The following NFIB variants were observed in gnomAD, a reference collection of about 807,000 sequenced individuals.
NFIB encodes the protein nuclear factor I B.
Under a neutral mutation model 61.5 loss-of-function variants are expected in NFIB, and 11 were observed. That is an observed-to-expected ratio of 0.18 (90% CI 0.11 to 0.30). The LOEUF (loss-of-function observed/expected upper bound fraction) is 0.30. Among genes scored for constraint, NFIB ranks in the 10% least tolerant of loss-of-function variants. The probability of loss-of-function intolerance (pLI) is 1.00; values close to 1 mark genes in which losing one functional copy is unlikely to be tolerated. For synonymous variants in NFIB, 260 were observed against 216.5 expected (o/e 1.20, Z -1.76); for missense variants, 471 against 608.9 (o/e 0.77, Z 2.38).
chr9:14,195,158 AAAG>A (rs1368146244), intron 2 of NFIB, among the ~76,000 whole-genome samples: 1 of 152,116 alleles, frequency 6.6e-6, no homozygotes, highest in African/African-American at 2.4e-5. Context: ...TCAACTGGCA[AAAG>A]AAGTTAAAAA....
intron 6 of NFIB, among the ~76,000 whole-genome samples, chr9:14,135,414 G>GC (rs2040930996): frequency 6.6e-6 from 1 of 152,086 alleles, no homozygotes; most frequent in Non-Finnish European, 1.5e-5. Context: ...AATTTAGTTG[G>GC]CTACAGGCAA....
At chr9:14,175,942 C>T (rs568955909) in intron 3 of NFIB, among the ~76,000 whole-genome samples, 132 of 152,220 alleles carry the variant, frequency 8.7e-4, no homozygotes, top group Non-Finnish European at 1.6e-3. Context: ...TTCTAGATTG[C>T]TATGTTTTCC....
At chr9:14,107,802 C>A (rs779198868) in intron 10 of NFIB, among the ~76,000 whole-genome samples, 2 of 152,208 alleles carry the variant, frequency 1.3e-5, no homozygotes, top group Middle Eastern at 3.4e-3. Context: ...GTAAATAAAA[C>A]CTTCAGAATT....
In NFIB at chr9:14,082,785, G is replaced by C. The variant is rs373801240; in HGVS notation, c.*5524C>G. ...CCATACTTCTTAAAAAAAAAAAAAA[G>C]AAAAAAAAAGACTTCCTTCTGCATA... On this transcript the variant is annotated 3_prime_UTR_variant, in exon 11 of 11. Coordinates refer to ENST00000380953, the MANE Select transcript of NFIB (RefSeq NM_001190737.2). The C allele has an allele frequency of 6.0e-6, 1 of 165,500 alleles. No homozygotes were observed. The highest frequency in any genetic ancestry group is 9.4e-5 in the East Asian group (1 of 10,614). 10.3% of individuals were successfully genotyped at this position (165,500 alleles called of 1,614,324 possible).
chr9:14,292,702 G>C (rs567987550), intron 2 of NFIB, among the ~76,000 whole-genome samples: 24 of 152,318 alleles, frequency 1.6e-4, no homozygotes, highest in African/African-American at 5.8e-4. Context: ...TCAGCAAGCT[G>C]CTTCAATCAC....
At chr9:14,488,124 T>G in the NFIB span, among the ~76,000 whole-genome samples, 1 of 152,066 alleles carries the variant, frequency 6.6e-6, no homozygotes, top group African/African-American at 2.4e-5. Context: ...GTGTCTGTAA[T>G]CCCCGCACTT....
the NFIB span, among the ~76,000 whole-genome samples, chr9:14,488,673 C>T: frequency 9.2e-5 from 14 of 152,250 alleles, no homozygotes; most frequent in African/African-American, 2.2e-4. Flanking sequence ...TCATAGGCTA[C>T]GCAGCCTCAA....
chr9:14,255,206 A>C (rs1209315275), intron 2 of NFIB, among the ~76,000 whole-genome samples: 2 of 152,172 alleles, frequency 1.3e-5, no homozygotes, highest in African/African-American at 4.8e-5. Flanking sequence ...AAGGATGACA[A>C]AGTGAAACCC....
chr9:14,504,243 T>C, the NFIB span, among the ~76,000 whole-genome samples: 1 of 152,218 alleles, frequency 6.6e-6, no homozygotes, highest in Non-Finnish European at 1.5e-5. Context: ...TATAGTATAG[T>C]TTGAAGTCAG....
the NFIB span, among the ~76,000 whole-genome samples, chr9:14,477,171 A>C: frequency 1.4e-4 from 22 of 152,228 alleles, no homozygotes; most frequent in African/African-American, 5.3e-4. Context: ...GGCAGTGTGT[A>C]GGGGATAGCA....
chr9:14,460,040 A>C, the NFIB span, among the ~76,000 whole-genome samples: 1 of 152,210 alleles, frequency 6.6e-6, no homozygotes, highest in African/African-American at 2.4e-5. Context: ...AGGAGTATAA[A>C]TCATGCTGCT....
the NFIB span, among the ~76,000 whole-genome samples, chr9:14,524,727 A>G: frequency 1.3e-5 from 2 of 152,228 alleles, no homozygotes; most frequent in Non-Finnish European, 2.9e-5. Context: ...CAGAATTTGC[A>G]GATAGCATCA....
intron 1 of NFIB, among the ~76,000 whole-genome samples, chr9:14,393,169 T>G (rs1309437403): frequency 8.8e-6 from 1 of 113,080 alleles, no homozygotes; most frequent in African/African-American, 3.4e-5. Context: ...CTAATAACTT[T>G]CTTCCAATCG....
the NFIB span, among the ~76,000 whole-genome samples, chr9:14,469,448 G>C: frequency 6.6e-6 from 1 of 152,110 alleles, no homozygotes; most frequent in African/African-American, 2.4e-5. Flanking sequence ...TATGACTTAG[G>C]TATCAAATCA....
At chr9:14,430,574 C>CTATTTATT in the NFIB span, among the ~76,000 whole-genome samples, 1 of 150,758 alleles carries the variant, frequency 6.6e-6, no homozygotes. Flanking sequence ...CCCTGAAATG[C>CTATTTATT]TATTTATTTA....
the NFIB span, among the ~76,000 whole-genome samples, chr9:14,414,391 C>T: frequency 1.4e-5 from 2 of 142,666 alleles, no homozygotes; most frequent in Non-Finnish European, 3.0e-5. Flanking sequence ...GCCAAGATTG[C>T]ACCACTGCAC....
the NFIB span, among the ~76,000 whole-genome samples, chr9:14,418,479 T>C: frequency 2.6e-5 from 4 of 152,068 alleles, no homozygotes; most frequent in African/African-American, 9.7e-5. Context: ...ACCACAACAA[T>C]ATATCTGCTG....
At chr9:14,171,250 G>A (rs2045533419) in intron 3 of NFIB, among the ~76,000 whole-genome samples, 1 of 152,090 alleles carries the variant, frequency 6.6e-6, no homozygotes, top group South Asian at 2.1e-4. Flanking sequence ...CAGACACCAA[G>A]TTCCCTTCCT....
chr9:14,227,939 A>G (rs1179283701), intron 2 of NFIB, among the ~76,000 whole-genome samples: 1 of 152,224 alleles, frequency 6.6e-6, no homozygotes, highest in Non-Finnish European at 1.5e-5. Flanking sequence ...TCAATTTTAC[A>G]TAATTTATTT....
Sources: gnomAD v4.1 joint callset for allele counts (sites outside exome capture counted in the v4.1 genomes callset) on GRCh38, gnomAD v4.1.1 for gene constraint, MANE v1.5 for transcripts, NCBI Gene and HGNC (gene_info 2026-07-23, HGNC 2026-07-21) for gene names.